The following CCDC27 variants were observed in gnomAD, a reference collection of about 807,000 sequenced individuals.
CCDC27 encodes the protein coiled-coil domain-containing protein 27.
Under a neutral mutation model 80.3 loss-of-function variants are expected in CCDC27, and 80 were observed. The observed-to-expected ratio is 1.00, with a 90% CI of 0.83 to 1.20. The LOEUF (loss-of-function observed/expected upper bound fraction) is 1.20. CCDC27 is among the 50% of genes most tolerant of loss of function. CCDC27 has a pLI of 0.00. For missense variants in CCDC27, 815 were observed against 809.4 expected (o/e 1.01, Z -0.08); for synonymous variants, 342 against 334.3 (o/e 1.02, Z -0.25).
chr1:3,766,764 C>T lies in CCDC27; in HGVS notation c.1530+152C>T, dbSNP rs190274451. ...CCACTCGACAGATCTCTGCACCCCA[C>T]GTCCACACAGAAGGCTCCTCGCAAT... On this transcript the variant is annotated intron_variant, in intron 9 of 11. Coordinates refer to ENST00000294600, the MANE Select transcript of CCDC27 (RefSeq NM_152492.3). The surrounding 1 kb of genome is among the most constrained non-coding windows in gnomAD (Gnocchi z 6.1). 43 of 620,356 alleles carry T rather than the reference C, an allele frequency of 6.9e-5. No individual in the cohort carries two copies. Among genetic ancestry groups the T allele is most frequent in the Admixed American group, 4.3e-4 (15 of 35,046 alleles). 38.4% of individuals were successfully genotyped at this position (620,356 alleles called of 1,614,324 possible). A position where few individuals can be genotyped will look rare whatever the true frequency, so the allele number is the denominator to read the frequency against.
Position 3,761,417 on chromosome 1 carries a change from C to T in CCDC27, c.848C>T (p.Ser283Phe). ...LKGKGQETSMSPGRREQLSDA... is the reference protein window; with the variant it reads ...LKGKGQETSMFPGRREQLSDA... ...GGCAAAGGCCAAGAGACATCCATGT[C>T]CCCAGGCAGGAGGGTGAGCCAGCCC... The change falls in exon 5 of 12, where the codon TCC becomes TTC. Residue 283 changes from serine to phenylalanine, a missense_variant. By Grantham distance (155) the Ser-to-Phe change is radical. Transcript: ENST00000294600. This position sits in a 1 kb window ranked among gnomAD's most constrained non-coding sequence, Gnocchi z 5.0. The T allele has an allele frequency of 6.2e-7, 1 of 1,613,734 alleles. No individual in the cohort carries two copies. Among genetic ancestry groups the T allele is most frequent in the South Asian group, 1.1e-5 (1 of 91,068 alleles).
In CCDC27 at chr1:3,763,059, TG is replaced by T; in HGVS notation, c.955-44del. 3 of 1,450,040 alleles carry T rather than the reference TG, an allele frequency of 2.1e-6. No individual in the cohort carries two copies. The highest frequency in any genetic ancestry group is 9.1e-7 in the Non-Finnish European group (1 of 1,100,588). 89.8% of individuals were successfully genotyped at this position (1,450,040 alleles called of 1,614,324 possible). A position where few individuals can be genotyped will look rare whatever the true frequency, so the allele number is the denominator to read the frequency against. On this transcript the variant is annotated intron_variant, in intron 6 of 11. Coordinates refer to ENST00000294600, the MANE Select transcript of CCDC27 (RefSeq NM_152492.3). The surrounding 1 kb of genome is among the most constrained non-coding windows in gnomAD (Gnocchi z 7.5). Reference sequence around the variant, plus strand: ...CCATGAGCATTAGAGCCCTCTGCCCTGGGGGTGCCCCGCAGCCCTGCCCAGC... The same window carrying T: ...CCATGAGCATTAGAGCCCTCTGCCCTGGGGTGCCCCGCAGCCCTGCCCAGC...
chr1:3,768,593 C>T lies in CCDC27; in HGVS notation c.1743+1148C>T, dbSNP rs1279638176. On this transcript the variant is annotated intron_variant, in intron 10 of 11. Coordinates refer to ENST00000294600, the MANE Select transcript of CCDC27 (RefSeq NM_152492.3). The surrounding 1 kb of genome is among the most constrained non-coding windows in gnomAD (Gnocchi z 5.6). ...TTGATAAAACAGTTTGGGATCCAGCCGTAGTCCTGGTGAAAGCGTTAGACC... is the reference window on the plus strand; with the variant it reads ...TTGATAAAACAGTTTGGGATCCAGCTGTAGTCCTGGTGAAAGCGTTAGACC... Among the ~76,000 whole-genome samples, 1 of 152,130 alleles carries T rather than the reference C, an allele frequency of 6.6e-6. No individual in the cohort carries two copies. Among genetic ancestry groups the T allele is most frequent in the African/African-American group, 2.4e-5 (1 of 41,416 alleles).
Position 3,752,739 on chromosome 1 carries a change from C to A in CCDC27, c.258C>A (p.His86Gln). Residue 86 changes from histidine to glutamine, a missense_variant, in exon 1 of 12, where the codon CAC becomes CAA. Physicochemically the swap from His to Gln is conservative, Grantham distance 24. Coordinates refer to ENST00000294600, the MANE Select transcript of CCDC27 (RefSeq NM_152492.3). ...CCCGGTGCCCAGAATGGAAACCGCA[C>A]CAAAAGCCACGCACGCTCAGCAAGT... ...RDARCPEWKP[H>Q]QKPRTLSKSV... 6.2e-7 allele frequency: 1 copy of A among 1,613,770 alleles called. No individual in the cohort carries two copies. Among genetic ancestry groups the A allele is most frequent in the East Asian group, 2.2e-5 (1 of 44,884 alleles).
rs372660455 is a variant in CCDC27 at position 3,752,505 on chromosome 1, C to T, written c.24C>T (p.Ser8=). 7 of 1,613,964 alleles carry T rather than the reference C, an allele frequency of 4.3e-6. No homozygotes were observed. In the African/African-American group the frequency reaches 8.0e-5, roughly 18 times the overall value. MFEAIFP[S]TPQARLKRDP... is the part of the protein sequence containing the mutation. Reference sequence around the variant, plus strand: ...TCATGTTCGAGGCCATCTTCCCCTCCACACCCCAAGCCAGGCTGAAGAGAG... The same window carrying T: ...TCATGTTCGAGGCCATCTTCCCCTCTACACCCCAAGCCAGGCTGAAGAGAG... Residue 8 remains serine (S), a synonymous_variant, in exon 1 of 12, where the codon TCC becomes TCT. Coordinates refer to ENST00000294600, the MANE Select transcript of CCDC27 (RefSeq NM_152492.3).
chr1:3,763,285 G>T lies in CCDC27; in HGVS notation c.1132G>T (p.Gly378Trp). The T allele has an allele frequency of 6.3e-7, 1 of 1,597,212 alleles. No homozygotes were observed. Among genetic ancestry groups the T allele is most frequent in the Non-Finnish European group, 8.5e-7 (1 of 1,171,384 alleles). Reference sequence around the variant, plus strand: ...AAGCGAGGAGGAGGAAGAGGAGGAAGGGGACAGGGATGAGGACTCAGAGGA... The same window carrying T: ...AAGCGAGGAGGAGGAAGAGGAGGAATGGGACAGGGATGAGGACTCAGAGGA... ...EGSEEEEEEE[G>W]DRDEDSEERE... The change falls in exon 7 of 12, where the codon GGG (glycine) becomes TGG (tryptophan). Residue 378 changes from glycine (G) to tryptophan (W), a missense_variant. Transcript: ENST00000294600. This position sits in a 1 kb window ranked among gnomAD's most constrained non-coding sequence, Gnocchi z 7.5.
At chr1:3,764,003 G>A (rs1017863740) in intron 8 of CCDC27, among the ~76,000 whole-genome samples, 167 bp downstream of exon 8, 8 of 152,132 alleles carry the variant, frequency 5.3e-5, no homozygotes, top group East Asian at 1.9e-4. Context: ...TAGCGGCCCC[G>A]CTAGGATTCC....
rs1570698403 is a variant in CCDC27 at position 3,754,103 on chromosome 1, T to C, written c.319-15T>C. On this transcript the variant is annotated splice_polypyrimidine_tract_variant and intron_variant, in intron 1 of 11. Coordinates refer to ENST00000294600, the MANE Select transcript of CCDC27 (RefSeq NM_152492.3). Reference sequence around the variant, plus strand: ...GGGGCCTTCCTTGTCTGTCTTACTTTCCCCGCTCTGCCAGAGTGAACCCAA... The same window carrying C: ...GGGGCCTTCCTTGTCTGTCTTACTTCCCCCGCTCTGCCAGAGTGAACCCAA... The C allele has an allele frequency of 1.9e-6, 3 of 1,611,798 alleles. No homozygotes were observed. Among genetic ancestry groups the C allele is most frequent in the Non-Finnish European group, 2.5e-6 (3 of 1,178,916 alleles).
intron 1 of CCDC27, 109 bp downstream of exon 1, chr1:3,752,908 TG>T (rs1642858829): frequency 1.6e-6 from 2 of 1,233,888 alleles, no homozygotes; most frequent in Admixed American, 5.0e-5. Context: ...ACAGGCCTTC[TG>T]GTGATGGGTT....
In CCDC27 at chr1:3,761,779, A is replaced by G. The variant is rs1050799487; in HGVS notation, c.861+349A>G. Among the ~76,000 whole-genome samples, 8 of 152,194 alleles carry G rather than the reference A, an allele frequency of 5.3e-5. No homozygotes were observed. Among genetic ancestry groups the G allele is most frequent in the Non-Finnish European group, 1.0e-4 (7 of 68,042 alleles). ...GCAAGGCACAACGCTGTCGGGGCTC[A>G]GGGTCCTTATCCATAAAATGAGGGC... On this transcript the variant is annotated intron_variant, in intron 5 of 11. Transcript: ENST00000294600. The surrounding 1 kb of genome is among the most constrained non-coding windows in gnomAD (Gnocchi z 5.0).
In CCDC27 at chr1:3,760,586, GT is replaced by G. The variant is rs1370583611; in HGVS notation, c.712-692del. 2.0e-5 allele frequency among the ~76,000 whole-genome samples: 3 copies of G among 152,184 alleles called. No homozygotes were observed. The highest frequency in any genetic ancestry group is 1.3e-4 in the Admixed American group (2 of 15,272). ...CGGATGTTCATTATCAGTTTAAAAT[GT>G]TTCTAGCTTTCCTTGTGATTTCTTT... On this transcript the variant is annotated intron_variant, in intron 4 of 11. Transcript: ENST00000294600. This position sits in a 1 kb window ranked among gnomAD's most constrained non-coding sequence, Gnocchi z 4.3.
At position 3,753,969 on chromosome 1, in the gene CCDC27, T is replaced by C. The variant is rs567574280; in HGVS notation, c.319-149T>C. ...AGGCCTGAGGGGCCACACGGTGTCC[T>C]GGGTGTGGGGTCTGCATCTACATAC... On this transcript the variant is annotated intron_variant, in intron 1 of 11. Coordinates refer to ENST00000294600, the MANE Select transcript of CCDC27 (RefSeq NM_152492.3). 2.7e-6 allele frequency: 3 copies of C among 1,105,528 alleles called. No individual in the cohort carries two copies. The African/African-American group carries it at 4.8e-5, about 18-fold the overall frequency. The allele number at this position is 1,105,528 out of a possible 1,614,324, so 68.5% of individuals were successfully genotyped here.
rs776720608 is a variant in CCDC27, at chr1:3,763,465, C to T, written c.1312C>T (p.Leu438Phe). 2 of 1,599,758 alleles carry T rather than the reference C, an allele frequency of 1.3e-6. No homozygotes were observed. The highest frequency in any genetic ancestry group is 8.5e-7 in the Non-Finnish European group (1 of 1,173,136). Residue 438 changes from leucine to phenylalanine, a missense_variant, in exon 7 of 12, where the codon CTT becomes TTT. By Grantham distance (22) the Leu-to-Phe change is conservative (BLOSUM62 0). Transcript: ENST00000294600. The surrounding 1 kb of genome is among the most constrained non-coding windows in gnomAD (Gnocchi z 7.5). ...NLEATRTRYS[L>F]ATGVIASLQQ... Reference sequence around the variant, plus strand: ...GGAGGCCACCAGGACCAGATACTCCCTTGCAACAGGTAGGGCCTCGGCGGG... The same window carrying T: ...GGAGGCCACCAGGACCAGATACTCCTTTGCAACAGGTAGGGCCTCGGCGGG...
intron 1 of CCDC27, 137 bp from the exon 2 acceptor site, chr1:3,753,981 C>A: frequency 8.1e-7 from 1 of 1,241,244 alleles, no homozygotes; most frequent in Non-Finnish European, 1.1e-6. Context: ...GGTGTGGGGT[C>A]TGCATCTACA....
In CCDC27 at chr1:3,752,810, C is replaced by T; in HGVS notation, c.318+11C>T. On this transcript the variant is annotated intron_variant, in intron 1 of 11. Coordinates refer to ENST00000294600, the MANE Select transcript of CCDC27 (RefSeq NM_152492.3). ...TACTACAGGAAGACGGTATGGGGTC[C>T]CGGGAGGAGGGCTGCCACGAGCCTT... 6.2e-7 allele frequency: 1 copy of T among 1,607,090 alleles called. No homozygotes were observed. The highest frequency in any genetic ancestry group is 1.3e-5 in the African/African-American group (1 of 74,938).
chr1:3,763,896 C>T lies in CCDC27; in HGVS notation c.1452+60C>T, dbSNP rs1024734306. 25 of 1,585,108 alleles carry T rather than the reference C, an allele frequency of 1.6e-5. No homozygotes were observed. Among genetic ancestry groups the T allele is most frequent in the East Asian group, 6.8e-5 (3 of 44,284 alleles). On this transcript the variant is annotated intron_variant, in intron 8 of 11. Transcript: ENST00000294600. This position sits in a 1 kb window ranked among gnomAD's most constrained non-coding sequence, Gnocchi z 7.5. ...GAGCATGGGCCCCAGGCTTCATTAA[C>T]CCCCGGCAGCTCGGGGCAGGCGCTG... is the stretch of plus-strand genomic sequence containing the variant.
chr1:3,756,881 C>A lies in CCDC27; in HGVS notation c.702C>A (p.Ile234=), dbSNP rs1642970216. Residue 234 remains isoleucine (I), a synonymous_variant, in exon 4 of 12, where the codon ATC becomes ATA. Coordinates refer to ENST00000294600, the MANE Select transcript of CCDC27 (RefSeq NM_152492.3). ...GGATGCCCTGGTACCTCTCAGTCAT[C>A]CACGAGAAGGTACTGGCGGAGGGGG... ...RKRMPWYLSV[I]HEKDHCLSEL... 5 of 1,612,488 alleles carry A rather than the reference C, an allele frequency of 3.1e-6. No individual in the cohort carries two copies. Among genetic ancestry groups the A allele is most frequent in the Non-Finnish European group, 4.2e-6 (5 of 1,179,460 alleles).
chr1:3,755,384 AAG>A, intron 2 of CCDC27, 71 bp from the exon 3 acceptor site: 1 of 1,270,314 alleles, frequency 7.9e-7, no homozygotes, highest in East Asian at 2.3e-5. Context: ...AAGGATAAAT[AAG>A]AGTCTGCCCT....
chr1:3,755,835 C>T (rs1642939122), intron 3 of CCDC27: 2 of 437,068 alleles, frequency 4.6e-6, no homozygotes, highest in African/African-American at 4.0e-5. Flanking sequence ...GGCCTTTACC[C>T]AGTGGCTGAT....
Sources: allele counts gnomAD v4.1 joint callset (sites outside exome capture counted in the v4.1 genomes callset), GRCh38; gene constraint gnomAD v4.1.1; non-coding constraint Gnocchi (gnomAD v3.1); transcripts MANE v1.5; gene names NCBI Gene and HGNC (gene_info 2026-07-23, HGNC 2026-07-21).